PRKN: variants seen among roughly 807,000 people sequenced by gnomAD.
PRKN encodes the protein parkin RBR E3 ubiquitin protein ligase, also known as E3 ubiquitin-protein ligase parkin.
PRKN carries 56 observed loss-of-function variants against 59.5 expected under a neutral mutation model. That is an observed-to-expected ratio of 0.94 (90% CI 0.76 to 1.18). The LOEUF is 1.18. Ranked by LOEUF, PRKN falls within the 50% of genes most tolerant of loss-of-function variation. PRKN has a pLI of 0.00. For missense variants in PRKN, 657 were observed against 596.4 expected, an observed-to-expected ratio of 1.10 and a Z score of -1.06; for synonymous variants, 250 against 222.1, an observed-to-expected ratio of 1.13 and a Z score of -1.12.
At chr6:162,538,461 T>TA (rs11434588) in intron 1 of PRKN, among the ~76,000 whole-genome samples, 1,923 of 151,904 alleles carry the variant, frequency 0.013, 46 homozygotes, top group African/African-American at 0.044. Context: ...CAACACAACT[T>TA]AAAAAACCAT....
At chr6:161,830,352 C>T (rs1191779983) in intron 6 of PRKN, among the ~76,000 whole-genome samples, 7 of 151,784 alleles carry the variant, frequency 4.6e-5, no homozygotes, top group Admixed American at 1.3e-4. Context: ...CCTGGGTTCA[C>T]GCCATTCTCC....
chr6:161,752,115 T>C (rs1471026222), intron 7 of PRKN, among the ~76,000 whole-genome samples: 1 of 152,198 alleles, frequency 6.6e-6, no homozygotes, highest in Non-Finnish European at 1.5e-5. Flanking sequence ...ATTTACATTT[T>C]TGAAAAACCC....
intron 9 of PRKN, among the ~76,000 whole-genome samples, chr6:161,464,777 G>GC (rs1202371022): frequency 2.6e-5 from 4 of 152,178 alleles, no homozygotes; most frequent in African/African-American, 7.2e-5. Flanking sequence ...TGACATACAG[G>GC]CCCCTAAGGT....
intron 3 of PRKN, among the ~76,000 whole-genome samples, chr6:162,247,453 T>C (rs554528019): frequency 6.6e-6 from 1 of 152,286 alleles, no homozygotes; most frequent in African/African-American, 2.4e-5. Flanking sequence ...TAACTGCTTT[T>C]GTTTATAACA....
At chr6:162,536,531 C>G (rs536192751) in intron 1 of PRKN, among the ~76,000 whole-genome samples, 2 of 152,180 alleles carry the variant, frequency 1.3e-5, no homozygotes, top group Middle Eastern at 3.4e-3. Context: ...GCATCTCCTT[C>G]GAGCCATCTT....
chr6:161,644,060 C>T (rs115649814), intron 7 of PRKN, among the ~76,000 whole-genome samples: 13 of 152,108 alleles, frequency 8.5e-5, no homozygotes, highest in Admixed American at 1.3e-4. Flanking sequence ...GGTAGGGTCC[C>T]GCAGGAAGGA....
At chr6:162,713,471 G>C (rs1051748669) in intron 1 of PRKN, among the ~76,000 whole-genome samples, 1 of 118,180 alleles carries the variant, frequency 8.5e-6, no homozygotes, top group Non-Finnish European at 1.6e-5. Context: ...TCCAGCCTGG[G>C]CAACAGAGTG....
chr6:162,713,230 C>T (rs1431291564), intron 1 of PRKN, among the ~76,000 whole-genome samples: 1 of 152,182 alleles, frequency 6.6e-6, no homozygotes, highest in East Asian at 1.9e-4. Flanking sequence ...TGGCCAGGCT[C>T]ACGCCTGTAA....
At chr6:162,724,373 T>G (rs1779046695) in intron 1 of PRKN, among the ~76,000 whole-genome samples, 1 of 152,184 alleles carries the variant, frequency 6.6e-6, no homozygotes, top group African/African-American at 2.4e-5. Flanking sequence ...GAAATGTAAG[T>G]ACTTTTGAAA....
intron 7 of PRKN, among the ~76,000 whole-genome samples, chr6:161,714,455 TC>T (rs1786887065): frequency 1.3e-5 from 2 of 152,140 alleles, no homozygotes; most frequent in Non-Finnish European, 2.9e-5. Context: ...GGAGGTGTCA[TC>T]GTGCAAGCAG....
At chr6:161,860,046 T>G (rs1486816075) in intron 6 of PRKN, among the ~76,000 whole-genome samples, 1 of 152,158 alleles carries the variant, frequency 6.6e-6, no homozygotes, top group Non-Finnish European at 1.5e-5. Context: ...AAAATTATCA[T>G]GTTGTCTTCA....
intron 5 of PRKN, among the ~76,000 whole-genome samples, chr6:162,028,482 C>T (rs1783519869): frequency 1.3e-5 from 2 of 152,204 alleles, no homozygotes; most frequent in Admixed American, 1.3e-4. Context: ...CCTGGGCCGG[C>T]TGCTGTGTGC....
At chr6:161,602,230 TTATC>T (rs1417545210) in intron 7 of PRKN, among the ~76,000 whole-genome samples, 1 of 152,216 alleles carries the variant, frequency 6.6e-6, no homozygotes, top group Non-Finnish European at 1.5e-5. Flanking sequence ...ATCTCTCTAT[TTATC>T]TATCATCTGT....
At chr6:161,645,700 T>G (rs1783903724) in intron 7 of PRKN, among the ~76,000 whole-genome samples, 1 of 152,226 alleles carries the variant, frequency 6.6e-6, no homozygotes, top group Non-Finnish European at 1.5e-5. Flanking sequence ...TCCCTTAATT[T>G]ATCAATGAAA....
chr6:162,193,470 C>T (rs1294618034), intron 4 of PRKN, among the ~76,000 whole-genome samples: 1 of 152,184 alleles, frequency 6.6e-6, no homozygotes, highest in Admixed American at 6.5e-5. Flanking sequence ...GGCTATCACT[C>T]CTCCCTGAAC....
intron 2 of PRKN, among the ~76,000 whole-genome samples, chr6:162,317,274 C>T (rs889805636): frequency 2.6e-5 from 4 of 151,994 alleles, no homozygotes; most frequent in Admixed American, 1.3e-4. Context: ...GCACTTTCCC[C>T]GATACTGTTC....
chr6:161,887,553 G>A (rs1795199689), intron 6 of PRKN, among the ~76,000 whole-genome samples: 1 of 152,146 alleles, frequency 6.6e-6, no homozygotes, highest in Admixed American at 6.5e-5. Flanking sequence ...AACTTTTCAA[G>A]GTCGTCATGT....
At chr6:162,564,628 A>G (rs529263280) in intron 1 of PRKN, among the ~76,000 whole-genome samples, 1 of 152,290 alleles carries the variant, frequency 6.6e-6, no homozygotes, top group Non-Finnish European at 1.5e-5. Context: ...AATAACATAC[A>G]ATGGAGCTCC....
At chr6:162,676,698 A>C (rs921713172) in intron 1 of PRKN, among the ~76,000 whole-genome samples, 6 of 152,198 alleles carry the variant, frequency 3.9e-5, no homozygotes, top group African/African-American at 9.6e-5. Context: ...TGACAACAGA[A>C]TGTGAGGCTG....
Sources: allele counts gnomAD v4.1 joint callset (sites outside exome capture counted in the v4.1 genomes callset), GRCh38; gene constraint gnomAD v4.1.1; transcripts MANE v1.5; gene names NCBI Gene and HGNC (gene_info 2026-07-23, HGNC 2026-07-21).